The following WLS variants were observed in gnomAD, a reference collection of about 807,000 sequenced individuals.
The protein encoded by WLS is protein wntless homolog.
Under a neutral mutation model 62.8 loss-of-function variants are expected in WLS, and 23 were observed. The observed-to-expected ratio is 0.37, with a 90% CI of 0.26 to 0.52. The LOEUF (loss-of-function observed/expected upper bound fraction) is 0.52, where lower values mean the gene tolerates loss of function less well. WLS is among the 20% of genes least tolerant of loss of function. The pLI is 0.92. For missense variants in WLS, 615 were observed against 697.3 expected (o/e 0.88, Z 1.33); for synonymous variants, 246 against 244.1 (o/e 1.01, Z -0.07).
At chr1:68,191,649 A>G (rs1648312236) in intron 2 of WLS, among the ~76,000 whole-genome samples, 1 of 152,216 alleles carries the variant, frequency 6.6e-6, no homozygotes, top group African/African-American at 2.4e-5. Flanking sequence ...AATAAAGTTT[A>G]AATGAACTCA....
chr1:68,171,205 A>T (rs1306325172), intron 2 of WLS, among the ~76,000 whole-genome samples: 4 of 152,218 alleles, frequency 2.6e-5, no homozygotes, highest in Non-Finnish European at 4.4e-5. Flanking sequence ...GCCTAAAACC[A>T]TAAAAACCCT....
chr1:68,193,838 C>T, intron 2 of WLS, 117 bp downstream of exon 2: 1 of 1,346,214 alleles, frequency 7.4e-7, no homozygotes, highest in Non-Finnish European at 1.0e-6. Context: ...GGGAAGTAGT[C>T]AATAATTGTT....
chr1:68,192,765 TC>T (rs1394255246), intron 2 of WLS, among the ~76,000 whole-genome samples: 1 of 7,450 alleles, frequency 1.3e-4, no homozygotes, highest in Non-Finnish European at 3.8e-4. Context: ...AGACTCTGTC[TC>T]TTAAAAAAAA....
chr1:68,173,323 G>A (rs1470164908), intron 2 of WLS, among the ~76,000 whole-genome samples: 2 of 152,148 alleles, frequency 1.3e-5, no homozygotes, highest in Non-Finnish European at 2.9e-5. Flanking sequence ...CACACAGTGG[G>A]TTTCTTTGCT....
chr1:68,126,568 G>A (rs1298180834), intron 11 of WLS, among the ~76,000 whole-genome samples: 2 of 152,078 alleles, frequency 1.3e-5, no homozygotes, highest in Non-Finnish European at 2.9e-5. Context: ...ATTAAGATAC[G>A]TGAGTCAGCT....
chr1:68,171,384 A>G (rs148895549), intron 2 of WLS, among the ~76,000 whole-genome samples: 212 of 152,352 alleles, frequency 1.4e-3, no homozygotes, highest in African/African-American at 4.9e-3. Context: ...ATAGGCAACT[A>G]CAGAATGGGA....
rs1647341225 is a variant in WLS at position 68,178,183 on chromosome 1, A to C, written c.379+15772T>G. Among the ~76,000 whole-genome samples the C allele has an allele frequency of 2.0e-5, 3 of 152,180 alleles. No homozygotes were observed. In the South Asian group the frequency reaches 6.2e-4, roughly 31 times the overall value. On this transcript the variant is annotated intron_variant, in intron 2 of 11. Coordinates refer to ENST00000262348, the MANE Select transcript of WLS (RefSeq NM_024911.7). ...GCCTTTAAAACTCCACCTTTGACTCAATCAAAACATTTCCTTTTCCGTGAG... is the reference window on the plus strand; with the variant it reads ...GCCTTTAAAACTCCACCTTTGACTCCATCAAAACATTTCCTTTTCCGTGAG...
chr1:68,145,584 A>G (rs888058477), intron 9 of WLS, among the ~76,000 whole-genome samples: 1 of 151,996 alleles, frequency 6.6e-6, no homozygotes, highest in Admixed American at 6.6e-5. Context: ...CCCAGCTAGT[A>G]TGTAACCTAC....
chr1:68,210,037 T>C (rs1649449128), intron 1 of WLS, among the ~76,000 whole-genome samples: 1 of 152,204 alleles, frequency 6.6e-6, no homozygotes, highest in South Asian at 2.1e-4. Context: ...GCAATTCCAC[T>C]GTATGGACTA....
chr1:68,118,176 G>C (rs918789065), intron 11 of WLS, among the ~76,000 whole-genome samples: 2 of 152,162 alleles, frequency 1.3e-5, no homozygotes, highest in Non-Finnish European at 2.9e-5. Context: ...TGAGCTACCC[G>C]TGTAACAGAC....
At chr1:68,135,275 G>A (rs1015687736) in intron 11 of WLS, among the ~76,000 whole-genome samples, 3 of 150,062 alleles carry the variant, frequency 2.0e-5, no homozygotes, top group Admixed American at 1.3e-4. Context: ...CTGAATATCT[G>A]GGACTACAGG....
chr1:68,175,977 G>C (rs1222599818), intron 2 of WLS, among the ~76,000 whole-genome samples: 1 of 152,178 alleles, frequency 6.6e-6, no homozygotes, highest in Non-Finnish European at 1.5e-5. Context: ...CTTTGTTTCT[G>C]ACAAGTTTCG....
intron 2 of WLS, among the ~76,000 whole-genome samples, chr1:68,161,316 C>G (rs922200512): frequency 6.6e-6 from 1 of 152,140 alleles, no homozygotes; most frequent in Non-Finnish European, 1.5e-5. Context: ...TTCCTATTAG[C>G]AAAAGGAGGT....
Position 68,137,821 on chromosome 1 carries a change from T to C in WLS, c.1475A>G (p.Tyr492Cys), listed in dbSNP as rs1302671362. The change falls in exon 11 of 12, where the codon TAT becomes TGT. Residue 492 changes from tyrosine to cysteine, a missense_variant. By Grantham distance (194) the Tyr-to-Cys change is radical. Coordinates refer to ENST00000262348, the MANE Select transcript of WLS (RefSeq NM_024911.7). ...NLYVFALMFLYAPSHKNYGED... is the reference protein window; with the variant it reads ...NLYVFALMFLCAPSHKNYGED... ...TCCATAGTTTTTATGGGATGGTGCA[T>C]ACAAGAACATCAGAGCAAAGACATA... is the stretch of plus-strand genomic sequence containing the variant. 2 of 1,613,968 alleles carry C rather than the reference T, an allele frequency of 1.2e-6. No homozygotes were observed. Among genetic ancestry groups the C allele is most frequent in the Admixed American group, 1.7e-5 (1 of 60,002 alleles).
chr1:68,227,570 A>C (rs993526045), intron 1 of WLS, among the ~76,000 whole-genome samples: 1 of 151,784 alleles, frequency 6.6e-6, no homozygotes, highest in Admixed American at 6.5e-5. Flanking sequence ...CAAAAGAGTA[A>C]ATTAAAAACA....
intron 10 of WLS, 89 bp downstream of exon 10, chr1:68,144,480 C>T: frequency 7.5e-7 from 1 of 1,326,168 alleles, no homozygotes; most frequent in East Asian, 2.4e-5. Context: ...CTCTCTCCTC[C>T]TTTCCTCAGT....
chr1:68,190,864 C>G (rs1376736529), intron 2 of WLS, among the ~76,000 whole-genome samples: 1 of 152,106 alleles, frequency 6.6e-6, no homozygotes, highest in Non-Finnish European at 1.5e-5. Flanking sequence ...TCTAGACCAT[C>G]CTGGCCAACA....
chr1:68,100,150 T>C (rs1428291339), intron 11 of WLS, among the ~76,000 whole-genome samples: 1 of 152,240 alleles, frequency 6.6e-6, no homozygotes, highest in Non-Finnish European at 1.5e-5. Flanking sequence ...AATTCTAATC[T>C]GTTTGTGTTA....
At chr1:68,098,705 G>C in exon 12 of WLS, 1 of 1,613,846 alleles carries the variant, frequency 6.2e-7, no homozygotes, top group East Asian at 2.2e-5. Flanking sequence ...ATAAAGTTCC[G>C]AAACAAACAA....
Sources: gnomAD v4.1 joint callset for allele counts (sites outside exome capture counted in the v4.1 genomes callset) on GRCh38, gnomAD v4.1.1 for gene constraint, MANE v1.5 for transcripts, NCBI Gene and HGNC (gene_info 2026-07-23, HGNC 2026-07-21) for gene names.